Variants in PXDNL observed in about 807,000 individuals in gnomAD.
PXDNL encodes the protein peroxidasin like.
Under a neutral mutation model 150.8 loss-of-function variants are expected in PXDNL, and 145 were observed. The ratio of observed to expected loss-of-function variants is 0.96; its 90% CI spans 0.84 to 1.10. The LOEUF (loss-of-function observed/expected upper bound fraction) is 1.10. Among genes scored for constraint, PXDNL ranks in the 50% least tolerant of loss-of-function variants. The pLI, the probability that PXDNL is intolerant of heterozygous loss-of-function variation, is 0.00. For synonymous variants in PXDNL, 757 were observed against 725.7 expected (o/e 1.04, Z -0.69); for missense variants, 2,087 against 1,873.9 (o/e 1.11, Z -2.10).
chr8:51,577,453 T>C (rs1813079782), intron 3 of PXDNL, among the ~76,000 whole-genome samples: 1 of 150,608 alleles, frequency 6.6e-6, no homozygotes, highest in Non-Finnish European at 1.5e-5. Context: ...ATTTTATTTA[T>C]TACTTTGAAA....
Position 51,745,616 on chromosome 8 carries a change from G to A in PXDNL, c.164+63565C>T, listed in dbSNP as rs567410447. Among the ~76,000 whole-genome samples, 14 of 152,280 alleles carry A rather than the reference G, an allele frequency of 9.2e-5. No individual in the cohort carries two copies. The South Asian group carries it at 2.1e-3, about 23-fold the overall frequency. The stretch of plus-strand genomic sequence containing the variant: ...CCAGAGTCATGTCTCCTTTCAGGCC[G>A]TGACGGTGGAACATTACCTTGCCTC... On this transcript the variant is annotated intron_variant, in intron 1 of 22. Coordinates refer to ENST00000356297, the MANE Select transcript of PXDNL (RefSeq NM_144651.5).
intron 17 of PXDNL, among the ~76,000 whole-genome samples, chr8:51,383,245 T>C (rs779288329): frequency 6.6e-6 from 1 of 152,220 alleles, no homozygotes; most frequent in African/African-American, 2.4e-5. Context: ...GTGGTTATAA[T>C]TGGTCATTAG....
intron 3 of PXDNL, among the ~76,000 whole-genome samples, chr8:51,583,160 A>G (rs1156611667): frequency 1.3e-5 from 2 of 152,184 alleles, no homozygotes; most frequent in Non-Finnish European, 2.9e-5. Flanking sequence ...GTCCATTGGC[A>G]TCGCTTTAAA....
At chr8:51,640,471 A>G (rs1464227485) in intron 2 of PXDNL, among the ~76,000 whole-genome samples, 1 of 152,186 alleles carries the variant, frequency 6.6e-6, no homozygotes, top group African/African-American at 2.4e-5. Flanking sequence ...TCTCAGCCCA[A>G]ATTCTCCTTA....
rs934060153 is a variant in PXDNL at position 51,394,775 on chromosome 8, T to C, written c.3557+13292A>G. 3.3e-5 allele frequency among the ~76,000 whole-genome samples: 5 copies of C among 152,292 alleles called. No individual in the cohort carries two copies. The South Asian group carries it at 1.0e-3, about 32-fold the overall frequency. ...CTAGCATTCATAGTGCCCTCTTTTATTCTCAAAAATGCCCTGGGGTACATA... is the reference window on the plus strand; with the variant it reads ...CTAGCATTCATAGTGCCCTCTTTTACTCTCAAAAATGCCCTGGGGTACATA... On this transcript the variant is annotated intron_variant, in intron 17 of 22. Transcript: ENST00000356297.
chr8:51,375,004 C>G (rs908863478), intron 17 of PXDNL, among the ~76,000 whole-genome samples: 1 of 152,022 alleles, frequency 6.6e-6, no homozygotes, highest in Non-Finnish European at 1.5e-5. Flanking sequence ...TAATTATTCT[C>G]TAAACATATG....
intron 1 of PXDNL, among the ~76,000 whole-genome samples, chr8:51,728,483 A>C (rs2130929510): frequency 6.6e-6 from 1 of 152,324 alleles, no homozygotes; most frequent in Admixed American, 6.5e-5. Context: ...CTACTGGGAC[A>C]AGATACGGAG....
intron 2 of PXDNL, among the ~76,000 whole-genome samples, chr8:51,651,768 T>G (rs771812959): frequency 6.6e-6 from 1 of 152,160 alleles, no homozygotes; most frequent in Non-Finnish European, 1.5e-5. Context: ...AGAATTGAAT[T>G]TGAGCCTGTT....
chr8:51,679,937 A>G (rs574195390), intron 1 of PXDNL, among the ~76,000 whole-genome samples: 261 of 152,368 alleles, frequency 1.7e-3, no homozygotes, highest in Non-Finnish European at 3.0e-3. Context: ...CATGCTCATT[A>G]GCTACAAAGA....
At chr8:51,651,401 A>G (rs1011722355) in intron 2 of PXDNL, among the ~76,000 whole-genome samples, 4 of 152,142 alleles carry the variant, frequency 2.6e-5, no homozygotes, top group African/African-American at 9.6e-5. Flanking sequence ...TGAAATTTTC[A>G]AAATAAAACG....
intron 4 of PXDNL, among the ~76,000 whole-genome samples, chr8:51,499,999 G>A (rs903950477): frequency 3.9e-5 from 6 of 152,118 alleles, no homozygotes; most frequent in African/African-American, 1.4e-4. Context: ...ACCCAGAAAG[G>A]AGCATGATGC....
intron 12 of PXDNL, 109 bp from the exon 13 acceptor site, chr8:51,426,867 A>T: frequency 1.6e-6 from 1 of 621,680 alleles, no homozygotes; most frequent in Non-Finnish European, 2.8e-6. Context: ...TAAGCACACT[A>T]GTTTTTTAAA....
chr8:51,399,195 A>C (rs565804100), intron 17 of PXDNL, among the ~76,000 whole-genome samples: 1 of 152,328 alleles, frequency 6.6e-6, no homozygotes, highest in East Asian at 1.9e-4. Context: ...AGTTAAATAC[A>C]GAGTTACTAA....
intron 3 of PXDNL, among the ~76,000 whole-genome samples, chr8:51,570,411 G>A (rs1812909361): frequency 6.6e-6 from 1 of 151,836 alleles, no homozygotes. Context: ...TACCTGAGCA[G>A]TTTGTTTGTG....
chr8:51,380,645 T>G (rs1418083838), intron 17 of PXDNL, among the ~76,000 whole-genome samples: 1 of 152,218 alleles, frequency 6.6e-6, no homozygotes, highest in Non-Finnish European at 1.5e-5. Flanking sequence ...CTTTCTGATC[T>G]TTATCTTTTT....
At chr8:51,385,491 T>C (rs978874076) in intron 17 of PXDNL, among the ~76,000 whole-genome samples, 2 of 152,214 alleles carry the variant, frequency 1.3e-5, no homozygotes, top group African/African-American at 4.8e-5. Flanking sequence ...TAACTTTCCA[T>C]TCAATCCACA....
chr8:51,559,171 G>T (rs1471642932), intron 3 of PXDNL, among the ~76,000 whole-genome samples: 1 of 151,898 alleles, frequency 6.6e-6, no homozygotes, highest in Admixed American at 6.6e-5. Context: ...TTCTCAAGTT[G>T]TTATCTACAG....
intron 4 of PXDNL, among the ~76,000 whole-genome samples, chr8:51,535,708 G>T: frequency 7.4e-6 from 1 of 136,024 alleles, no homozygotes; most frequent in African/African-American, 3.3e-5. Flanking sequence ...ACCCAAGAAT[G>T]ATCAATAAAA....
Position 51,426,774 on chromosome 8 carries a change from A to C in PXDNL, c.1526-16T>G, listed in dbSNP as rs1375161827. ...ACTGCAAGAGCTGTGGAAACAAACC[A>C]AAATAACATCATGTCAAATAATATC... On this transcript the variant is annotated splice_polypyrimidine_tract_variant and intron_variant, in intron 12 of 22. Transcript: ENST00000356297. 3.6e-6 allele frequency: 5 copies of C among 1,379,006 alleles called. No homozygotes were observed. The highest frequency in any genetic ancestry group is 5.1e-6 in the Non-Finnish European group (5 of 982,086). The allele number at this position is 1,379,006 out of a possible 1,614,324, so 85.4% of individuals were successfully genotyped here.
Sources: allele counts gnomAD v4.1 joint callset (sites outside exome capture counted in the v4.1 genomes callset), GRCh38; gene constraint gnomAD v4.1.1; transcripts MANE v1.5; gene names NCBI Gene and HGNC (gene_info 2026-07-23, HGNC 2026-07-21).